MAGEC3: variants seen among roughly 807,000 people sequenced by gnomAD.
MAGEC3 encodes the protein melanoma-associated antigen C3.
Under a neutral mutation model 35.3 loss-of-function variants are expected in MAGEC3, and 34 were observed. The observed-to-expected ratio is 0.96, with a 90% CI of 0.73 to 1.28. The LOEUF is 1.28. MAGEC3 is among the 50% of genes most tolerant of loss of function. MAGEC3 has a pLI of 0.00. For missense variants in MAGEC3, 561 were observed against 483.6 expected (o/e 1.16, Z -1.50); for synonymous variants, 202 against 185.6 (o/e 1.09, Z -0.72).
chrX:141,894,751 C>T (rs967154573), intron 4 of MAGEC3: 38 of 966,240 alleles, frequency 3.9e-5, no homozygotes, highest in African/African-American at 1.4e-4. Flanking sequence ...AAGGCCCAGG[C>T]GTCGCCCAGC....
chrX:141,895,102 G>A (rs1397521423), intron 4 of MAGEC3, among the ~76,000 whole-genome samples, 167 bp from the exon 5 acceptor site: 2 of 90,455 alleles, frequency 2.2e-5, no homozygotes, highest in African/African-American at 8.3e-5. Context: ...AGGGAGGAGG[G>A]TGGGAGGGGG....
rs774941055 is a variant in MAGEC3, at chrX:141,897,822, G to A, written c.1922G>A (p.Cys641Tyr). The stretch of plus-strand genomic sequence containing the variant: ...CCCAGTGTCATGTCCACCAACTTCT[G>A]TCCTGAGTGATGTCTGAAGCAGATT... ...ASPSVMSTNF[C>Y]PE Residue 641 changes from cysteine (C) to tyrosine (Y), a missense_variant, in exon 8 of 8, where the codon TGT (cysteine) becomes TAT (tyrosine). Coordinates refer to ENST00000298296, the MANE Select transcript of MAGEC3 (RefSeq NM_138702.1). 5.9e-6 allele frequency: 7 copies of A among 1,191,356 alleles called. No individual in the cohort carries two copies. The highest frequency in any genetic ancestry group is 7.9e-6 in the Non-Finnish European group (7 of 885,770).
At chrX:141,851,982 G>A in intron 1 of MAGEC3, among the ~76,000 whole-genome samples, 1 of 110,345 alleles carries the variant, frequency 9.1e-6, no homozygotes, top group Non-Finnish European at 1.9e-5. Context: ...AAAATTGACA[G>A]TTTGAATTTT....
chrX:141,861,473 C>G (rs1332613647), intron 1 of MAGEC3, among the ~76,000 whole-genome samples: 1 of 111,166 alleles, frequency 9.0e-6, no homozygotes, highest in Non-Finnish European at 1.9e-5. Context: ...CCACAATAAC[C>G]AAAGTAATCC....
At chrX:141,872,646 G>C (rs902311841) in intron 2 of MAGEC3, among the ~76,000 whole-genome samples, 2 of 110,978 alleles carry the variant, frequency 1.8e-5, no homozygotes, top group Non-Finnish European at 3.8e-5. Flanking sequence ...GTTGGAATTG[G>C]TAAAGGGCCT....
chrX:141,895,629 A>G (rs867526351), intron 6 of MAGEC3, 70 bp downstream of exon 6: 97 of 1,010,146 alleles, frequency 9.6e-5, no homozygotes, highest in South Asian at 1.2e-4. Context: ...CTCAGAGGAC[A>G]GCTTCCCAGA....
At chrX:141,872,467 C>A (rs142277259) in intron 2 of MAGEC3, among the ~76,000 whole-genome samples, 141 of 111,308 alleles carry the variant, frequency 1.3e-3, no homozygotes, top group African/African-American at 2.9e-3. Context: ...TGAAAGAGGA[C>A]AGTTAATCTG....
Position 141,895,571 on chromosome X carries a change from C to G in MAGEC3, c.1123+12C>G, listed in dbSNP as rs2018084244. ...GAAGAAGGGAGGAGGTGCCAGCCCT[C>G]TAGGGAATAAATAGGAAGACATTGA... On this transcript the variant is annotated intron_variant, in intron 6 of 7. Coordinates refer to ENST00000298296, the MANE Select transcript of MAGEC3 (RefSeq NM_138702.1). 7 of 1,187,492 alleles carry G rather than the reference C, an allele frequency of 5.9e-6. No homozygotes were observed. Among genetic ancestry groups the G allele is most frequent in the Non-Finnish European group, 7.9e-6 (7 of 883,370 alleles).
intron 4 of MAGEC3, among the ~76,000 whole-genome samples, chrX:141,887,347 C>A (rs1013834056): frequency 8.9e-6 from 1 of 112,244 alleles, no homozygotes; most frequent in African/African-American, 3.2e-5. Context: ...CCGATTGGAT[C>A]CAGTGAGCGA....
intron 1 of MAGEC3, among the ~76,000 whole-genome samples, chrX:141,855,722 T>C (rs2017776808): frequency 8.9e-6 from 1 of 111,809 alleles, no homozygotes; most frequent in Non-Finnish European, 1.9e-5. Flanking sequence ...TCACGAACCA[T>C]GTATAAAACA....
chrX:141,854,028 T>C (rs1246380690), intron 1 of MAGEC3, among the ~76,000 whole-genome samples: 1 of 111,283 alleles, frequency 9.0e-6, no homozygotes, highest in South Asian at 3.8e-4. Context: ...CTAGTTTGCA[T>C]GGGACTAGAT....
chrX:141,889,377 T>C (rs2018025413), intron 4 of MAGEC3, among the ~76,000 whole-genome samples: 1 of 111,914 alleles, frequency 8.9e-6, no homozygotes, highest in Non-Finnish European at 1.9e-5. Flanking sequence ...TTTTGCTTCC[T>C]ATTCCCATGA....
At chrX:141,850,995 A>C (rs2124087579) in intron 1 of MAGEC3, among the ~76,000 whole-genome samples, 1 of 111,430 alleles carries the variant, frequency 9.0e-6, no homozygotes, top group African/African-American at 3.2e-5. Flanking sequence ...TTCAGTAATA[A>C]ATTTTACCAA....
chrX:141,839,913 G>A (rs1424883566), intron 1 of MAGEC3: 1 of 563,975 alleles, frequency 1.8e-6, no homozygotes, highest in Non-Finnish European at 2.1e-6. Flanking sequence ...GACAAAGGAC[G>A]ACCTCACACA....
rs1602635396 is a variant in MAGEC3 at position 141,897,140 on chromosome X, C to G, written c.1382C>G (p.Ala461Gly). The G allele has an allele frequency of 2.5e-6, 3 of 1,211,811 alleles. No homozygotes were observed. The highest frequency in any genetic ancestry group is 2.3e-4 in the Middle Eastern group (1 of 4,352). ...AGGTATGCCCTGGATGAAAAGGTGG[C>G]TGAGTTGGTGCAGTTTCTTCTCCTC... ...LPRYALDEKV[A>G]ELVQFLLLKY... is the part of the protein sequence containing the mutation. The change falls in exon 7 of 8, where the codon GCT (alanine) becomes GGT (glycine). Residue 461 changes from alanine (A) to glycine (G), a missense_variant. Physicochemically the swap from Ala to Gly is moderately conservative, Grantham distance 60 (BLOSUM62 0). Coordinates refer to ENST00000298296, the MANE Select transcript of MAGEC3 (RefSeq NM_138702.1).
At chrX:141,891,049 G>T (rs2018037612) in intron 4 of MAGEC3, among the ~76,000 whole-genome samples, 1 of 111,921 alleles carries the variant, frequency 8.9e-6, no homozygotes, top group South Asian at 3.7e-4. Flanking sequence ...AAAAATCCAA[G>T]ATCAAGATGT....
chrX:141,878,248 G>A (rs66991542), intron 2 of MAGEC3, among the ~76,000 whole-genome samples: 22,324 of 106,804 alleles, frequency 0.21, 2,239 homozygotes, highest in African/African-American at 0.42. Flanking sequence ...GTGAAGTGCC[G>A]TTCTTATCAT....
At chrX:141,864,445 A>T (rs150037835) in intron 1 of MAGEC3, among the ~76,000 whole-genome samples, 1,280 of 111,762 alleles carry the variant, frequency 0.011, 40 homozygotes, top group Admixed American at 0.1. Context: ...TGGTAAGTGT[A>T]TGTTTATAAT....
At position 141,897,702 on chromosome X, in the gene MAGEC3, C is replaced by T; in HGVS notation, c.1802C>T (p.Pro601Leu). 1 of 1,211,542 alleles carries T rather than the reference C, an allele frequency of 8.3e-7. No individual in the cohort carries two copies. The highest frequency in any genetic ancestry group is 1.1e-6 in the Non-Finnish European group (1 of 895,440). ...TCCAGTATCATCCCTAGTGCCTTTCCATCCTGGTACATGGATGCTTTGAAA... is the reference window on the plus strand; with the variant it reads ...TCCAGTATCATCCCTAGTGCCTTTCTATCCTGGTACATGGATGCTTTGAAA... ...KLSSIIPSAF[P>L]SWYMDALKDM... is the part of the protein sequence containing the mutation. The change falls in exon 8 of 8, where the codon CCA becomes CTA. Residue 601 changes from proline to leucine, a missense_variant. Transcript: ENST00000298296.
Sources: gnomAD v4.1 joint callset for allele counts (sites outside exome capture counted in the v4.1 genomes callset) on GRCh38, gnomAD v4.1.1 for gene constraint, MANE v1.5 for transcripts, NCBI Gene and HGNC (gene_info 2026-07-23, HGNC 2026-07-21) for gene names.